Variants in RANBP2 observed in about 807,000 individuals in gnomAD.
RANBP2 encodes the protein RAN binding protein 2.
In RANBP2, 57 loss-of-function variants were observed where a neutral mutation model predicts 303.6. The ratio of observed to expected loss-of-function variants is 0.19; its 90% CI spans 0.15 to 0.23. The LOEUF (loss-of-function observed/expected upper bound fraction) is 0.23, where lower values mean the gene tolerates loss of function less well. Among genes scored for constraint, RANBP2 ranks in the 10% least tolerant of loss-of-function variants. RANBP2 has a pLI of 1.00. For synonymous variants in RANBP2, 1,167 were observed against 1,301.5 expected (o/e 0.90, Z 2.23); for missense variants, 3,138 against 3,780.8 (o/e 0.83, Z 4.46).
chr2:108,999,476 C>T, the RANBP2 span, among the ~76,000 whole-genome samples: 2 of 152,232 alleles, frequency 1.3e-5, no homozygotes, highest in Admixed American at 1.3e-4. Flanking sequence ...TCCCACACAT[C>T]TAACTGAGCA....
At chr2:108,760,067 C>A (rs567923374) in intron 18 of RANBP2, among the ~76,000 whole-genome samples, 3,304 of 152,088 alleles carry the variant, frequency 0.022, 115 homozygotes, top group African/African-American at 0.076. Flanking sequence ...ATTTCTGTTC[C>A]TGTGTTCATA....
Position 108,782,111 on chromosome 2 carries a change from T to G in RANBP2, c.8761-17T>G, listed in dbSNP as rs1678294790. The G allele has an allele frequency of 1.2e-6, 2 of 1,612,994 alleles. No homozygotes were observed. The highest frequency in any genetic ancestry group is 2.2e-5 in the South Asian group (2 of 90,796). The stretch of plus-strand genomic sequence containing the variant: ...TTATAAGCAGCAGCTTATAGAGAAT[T>G]TCATCTCCTATTATAGGTAGAAGTA... On this transcript the variant is annotated splice_polypyrimidine_tract_variant and intron_variant, in intron 26 of 28. Coordinates refer to ENST00000283195, the MANE Select transcript of RANBP2 (RefSeq NM_006267.5).
At chr2:108,938,803 C>A in the RANBP2 span, among the ~76,000 whole-genome samples, 2 of 148,738 alleles carry the variant, frequency 1.3e-5, no homozygotes, top group Non-Finnish European at 3.0e-5. Context: ...CCGCCCCACC[C>A]CCCAGAGTCT....
chr2:109,057,162 G>T, the RANBP2 span, among the ~76,000 whole-genome samples: 1 of 152,146 alleles, frequency 6.6e-6, no homozygotes, highest in South Asian at 2.1e-4. Context: ...ATATTCACTT[G>T]AGAATGTCAT....
the RANBP2 span, among the ~76,000 whole-genome samples, chr2:109,630,516 C>T: frequency 6.6e-6 from 1 of 152,202 alleles, no homozygotes; most frequent in Non-Finnish European, 1.5e-5. Context: ...ACCATAAAGG[C>T]CATGGCCTGA....
chr2:109,520,922 C>CG, the RANBP2 span, among the ~76,000 whole-genome samples: 3 of 137,972 alleles, frequency 2.2e-5, no homozygotes, highest in African/African-American at 7.8e-5. Context: ...GGTGACAGAG[C>CG]AAGACTCCAT....
At chr2:108,737,962 C>T (rs1378139633) in intron 6 of RANBP2, among the ~76,000 whole-genome samples, 2 of 151,788 alleles carry the variant, frequency 1.3e-5, no homozygotes, top group Non-Finnish European at 2.9e-5. Flanking sequence ...GATCTGCCCT[C>T]CTCGGCCTCC....
rs748221152 is a variant in RANBP2, at chr2:108,767,329, A to T, written c.6790A>T (p.Thr2264Ser). 1.9e-6 allele frequency: 3 copies of T among 1,612,094 alleles called. No individual in the cohort carries two copies. In the South Asian group the frequency reaches 3.3e-5, roughly 18 times the overall value. The change falls in exon 20 of 29, where the codon ACA becomes TCA. Residue 2264 changes from threonine to serine, a missense_variant. Physicochemically the swap from Thr to Ser is moderately conservative, Grantham distance 58. Transcript: ENST00000283195. ...AAATCTTTTCCGTTTTGGTGAGTCA[A>T]CAACAGGATTTAACTTCAGTTTTAA... The part of the protein sequence containing the change: ...RKNLFRFGES[T>S]TGFNFSFKSA...
the RANBP2 span, among the ~76,000 whole-genome samples, chr2:109,580,538 GGAT>G: frequency 5.9e-5 from 9 of 152,190 alleles, no homozygotes; most frequent in Admixed American, 5.2e-4. Context: ...TTTGGGATTA[GGAT>G]GATGAGGGGA....
At chr2:109,488,294 T>C in the RANBP2 span, among the ~76,000 whole-genome samples, 1 of 152,190 alleles carries the variant, frequency 6.6e-6, no homozygotes, top group Non-Finnish European at 1.5e-5. Context: ...GCCCACCAGA[T>C]GCCAGCAGCA....
At chr2:109,107,532 C>T in the RANBP2 span, among the ~76,000 whole-genome samples, 5 of 152,110 alleles carry the variant, frequency 3.3e-5, no homozygotes, top group Non-Finnish European at 5.9e-5. Context: ...TGGGTTGAAT[C>T]AAGTCTACTT....
At chr2:109,524,444 C>CAAAAAAAAAAAAAAAAAAA in the RANBP2 span, among the ~76,000 whole-genome samples, 16 of 84,404 alleles carry the variant, frequency 1.9e-4, 1 homozygote, top group African/African-American at 1.0e-3. Context: ...GACCCTGTCT[C>CAAAAAAAAAAAAAAAAAAA]AAAAAAAAAA....
chr2:109,039,475 C>T, the RANBP2 span, among the ~76,000 whole-genome samples: 2 of 152,156 alleles, frequency 1.3e-5, no homozygotes. Flanking sequence ...CTCGGCCTCC[C>T]GAGTAGCTGG....
chr2:109,189,673 TTAATG>T, the RANBP2 span, among the ~76,000 whole-genome samples: 1 of 152,126 alleles, frequency 6.6e-6, no homozygotes, highest in Non-Finnish European at 1.5e-5. Context: ...CCCTATCAAT[TTAATG>T]TATTGTGTAA....
At chr2:108,976,593 G>A in the RANBP2 span, among the ~76,000 whole-genome samples, 1 of 152,196 alleles carries the variant, frequency 6.6e-6, no homozygotes, top group Non-Finnish European at 1.5e-5. Flanking sequence ...GAGTTCCTCT[G>A]CACGGGAGAC....
At chr2:109,544,108 C>T in the RANBP2 span, 1 of 1,499,322 alleles carries the variant, frequency 6.7e-7, no homozygotes, top group Non-Finnish European at 8.9e-7. Flanking sequence ...ATTAGAGATG[C>T]TCAACTTGTA....
the RANBP2 span, among the ~76,000 whole-genome samples, chr2:109,725,615 C>G: frequency 6.6e-6 from 1 of 152,198 alleles, no homozygotes; most frequent in African/African-American, 2.4e-5. Flanking sequence ...AGTCTTCTTG[C>G]TGAGGACTCT....
At chr2:108,787,215 A>G (rs1679004112), downstream of RANBP2, among the ~76,000 whole-genome samples, 1 of 152,200 alleles carries the variant, frequency 6.6e-6, no homozygotes, top group South Asian at 2.1e-4. Flanking sequence ...TTGTGAAAAC[A>G]ATTGAATTGC....
chr2:109,685,261 A>G, the RANBP2 span, among the ~76,000 whole-genome samples: 26 of 152,356 alleles, frequency 1.7e-4, no homozygotes, highest in African/African-American at 5.3e-4. Flanking sequence ...AACATGTGGA[A>G]CAAACAATGT....
Sources: gnomAD v4.1 joint callset for allele counts (sites outside exome capture counted in the v4.1 genomes callset) on GRCh38, gnomAD v4.1.1 for gene constraint, MANE v1.5 for transcripts, NCBI Gene and HGNC (gene_info 2026-07-23, HGNC 2026-07-21) for gene names.